ADK: variants seen among roughly 807,000 people sequenced by gnomAD.
The protein encoded by ADK is N6,N6-dimethyladenosine kinase.
Under a neutral mutation model 44.7 loss-of-function variants are expected in ADK, and 24 were observed. That is an observed-to-expected ratio of 0.54 (90% confidence interval 0.39 to 0.76). The LOEUF (loss-of-function observed/expected upper bound fraction) is 0.76. ADK is among the 30% of genes least tolerant of loss of function. ADK has a pLI of 0.00. For synonymous variants in ADK, 128 were observed against 142.6 expected (o/e 0.90, Z 0.73); for missense variants, 321 against 425.1 (o/e 0.76, Z 2.15).
At chr10:74,543,601 C>A (rs903305665) in intron 7 of ADK, among the ~76,000 whole-genome samples, 1 of 152,188 alleles carries the variant, frequency 6.6e-6, no homozygotes, top group Non-Finnish European at 1.5e-5. Context: ...CTAAATTCCT[C>A]TCCAAAATAA....
chr10:74,704,315 A>G (rs1856525629), intron 10 of ADK, among the ~76,000 whole-genome samples: 1 of 152,238 alleles, frequency 6.6e-6, no homozygotes, highest in African/African-American at 2.4e-5. Context: ...TGCATTTAAA[A>G]TTTGTTAAAA....
At chr10:74,274,327 C>T (rs975546435) in intron 3 of ADK, among the ~76,000 whole-genome samples, 2 of 151,988 alleles carry the variant, frequency 1.3e-5, no homozygotes, top group African/African-American at 4.8e-5. Flanking sequence ...TTTGGGAGGC[C>T]GAGGTGGGTG....
At chr10:74,269,027 T>A (rs1846323115) in intron 3 of ADK, among the ~76,000 whole-genome samples, 1 of 152,218 alleles carries the variant, frequency 6.6e-6, no homozygotes, top group East Asian at 1.9e-4. Flanking sequence ...TTAAACTTGT[T>A]TTTTAATTAA....
At chr10:74,486,839 G>A (rs1460067828) in intron 6 of ADK, among the ~76,000 whole-genome samples, 1 of 152,130 alleles carries the variant, frequency 6.6e-6, no homozygotes, top group Non-Finnish European at 1.5e-5. Flanking sequence ...TTCCCTTGAT[G>A]AGGGGAATTT....
intron 9 of ADK, among the ~76,000 whole-genome samples, chr10:74,652,373 G>A (rs1854306353): frequency 6.6e-6 from 1 of 151,946 alleles, no homozygotes; most frequent in Non-Finnish European, 1.5e-5. Flanking sequence ...AATATTCATA[G>A]CAGCATTACC....
intron 6 of ADK, among the ~76,000 whole-genome samples, chr10:74,488,223 A>T (rs751663825): frequency 2.4e-4 from 37 of 151,978 alleles, no homozygotes; most frequent in Non-Finnish European, 5.0e-4. Context: ...ACTTAAGCAA[A>T]TGTAGTATTA....
At chr10:74,477,493 C>T (rs773786471) in intron 6 of ADK, among the ~76,000 whole-genome samples, 1 of 152,180 alleles carries the variant, frequency 6.6e-6, no homozygotes, top group Non-Finnish European at 1.5e-5. Context: ...CAGTAGTGCA[C>T]CACTGCACCT....
At chr10:74,466,131 A>C (rs2133268020) in intron 6 of ADK, among the ~76,000 whole-genome samples, 1 of 152,206 alleles carries the variant, frequency 6.6e-6, no homozygotes, top group East Asian at 1.9e-4. Flanking sequence ...CTGAAAGTAT[A>C]CTGTTGCATG....
At chr10:74,642,378 T>A (rs934019337) in intron 9 of ADK, among the ~76,000 whole-genome samples, 59 of 116,386 alleles carry the variant, frequency 5.1e-4, no homozygotes, top group African/African-American at 1.4e-3. Flanking sequence ...TTTTTTTTTT[T>A]AATTTAAAAA....
chr10:74,497,756 A>C (rs1589173334), intron 6 of ADK, among the ~76,000 whole-genome samples: 1 of 152,338 alleles, frequency 6.6e-6, no homozygotes, highest in East Asian at 1.9e-4. Flanking sequence ...ACTTGAGCCC[A>C]GGAGTTTGAG....
intron 6 of ADK, among the ~76,000 whole-genome samples, chr10:74,458,791 C>G (rs1296049350): frequency 6.6e-6 from 1 of 152,100 alleles, no homozygotes; most frequent in Non-Finnish European, 1.5e-5. Context: ...TCTGCCTTAC[C>G]TTTAATACTA....
intron 2 of ADK, among the ~76,000 whole-genome samples, chr10:74,210,416 C>G (rs1843772581): frequency 2.6e-5 from 4 of 150,978 alleles, no homozygotes; most frequent in African/African-American, 9.7e-5. Flanking sequence ...AGATCTAAAC[C>G]TTTAATAAAC....
intron 4 of ADK, among the ~76,000 whole-genome samples, chr10:74,381,924 A>G (rs1343273316): frequency 6.6e-6 from 1 of 152,138 alleles, no homozygotes; most frequent in African/African-American, 2.4e-5. Context: ...TATAAAGTGT[A>G]TACTAGAAAA....
chr10:74,270,826 T>C (rs1031896256), intron 3 of ADK, among the ~76,000 whole-genome samples: 2 of 152,320 alleles, frequency 1.3e-5, no homozygotes, highest in South Asian at 2.1e-4. Flanking sequence ...CATAGCCAGA[T>C]AGTTCTGTAG....
At chr10:74,643,582 G>T (rs1261578070) in intron 9 of ADK, among the ~76,000 whole-genome samples, 2 of 152,048 alleles carry the variant, frequency 1.3e-5, no homozygotes, top group Non-Finnish European at 2.9e-5. Context: ...GTTTCTGTTT[G>T]TTAAGTTCAA....
intron 4 of ADK, chr10:74,371,622 C>A (rs1467746122): frequency 2.0e-6 from 2 of 1,018,764 alleles, no homozygotes; most frequent in Non-Finnish European, 3.1e-6. Context: ...TGGTACCAAT[C>A]TTGACTTCCA....
At chr10:74,220,196 T>C (rs986108694) in intron 2 of ADK, among the ~76,000 whole-genome samples, 300 of 151,730 alleles carry the variant, frequency 2.0e-3, no homozygotes, top group African/African-American at 6.7e-3. Flanking sequence ...ATATCACCAC[T>C]GATCCCACAG....
chr10:74,708,401 A>T lies in ADK; in HGVS notation c.1045A>T (p.Arg349Ter). The change falls in exon 11 of 11, where the codon AGA (arginine) becomes TGA (stop). Residue 349 changes from arginine to a stop codon, truncating the protein, a stop_gained. Transcript: ENST00000539909. LOFTEE classifies it high-confidence loss of function. ...CCACTATGCAGCAAGCATCATAATT[A>T]GACGGACTGGCTGCACCTTTCCTGA... Reference protein sequence around the residue: ...AGHYAASIIIRRTGCTFPEKP... With the variant: ...AGHYAASIII 6.2e-7 allele frequency: 1 copy of T among 1,612,880 alleles called. No individual in the cohort carries two copies. Among genetic ancestry groups the T allele is most frequent in the Non-Finnish European group, 8.5e-7 (1 of 1,179,656 alleles).
At position 74,192,962 on chromosome 10, in the gene ADK, C is replaced by G. The variant is rs535974776; in HGVS notation, c.66-7802C>G. ...GTGTGTCTGCCTGTTTTACTAATTA[C>G]TGAAAGAAGGGTGCTAAACTAAGAT... is the stretch of plus-strand genomic sequence containing the variant. On this transcript the variant is annotated intron_variant, in intron 1 of 10. Coordinates refer to ENST00000539909, the MANE Select transcript of ADK (RefSeq NM_006721.4). Among the ~76,000 whole-genome samples the G allele has an allele frequency of 5.9e-5, 9 of 152,320 alleles. No individual in the cohort carries two copies. In the South Asian group the frequency reaches 1.9e-3, roughly 32 times the overall value.
Sources: allele counts gnomAD v4.1 joint callset (sites outside exome capture counted in the v4.1 genomes callset), GRCh38; gene constraint gnomAD v4.1.1; transcripts MANE v1.5; gene names NCBI Gene and HGNC (gene_info 2026-07-23, HGNC 2026-07-21).